ERBB4: variants seen among roughly 807,000 people sequenced by gnomAD.
The protein encoded by ERBB4 is receptor tyrosine-protein kinase erbB-4.
In ERBB4, 42 loss-of-function variants were observed where a neutral mutation model predicts 158.0. That is an observed-to-expected ratio of 0.27 (90% CI 0.21 to 0.34). The LOEUF is 0.34. Ranked by LOEUF, ERBB4 falls within the 10% of genes least tolerant of loss-of-function variation. ERBB4 has a pLI of 1.00. For synonymous variants in ERBB4, 583 were observed against 558.7 expected (o/e 1.04, Z -0.61); for missense variants, 1,333 against 1,624.1 (o/e 0.82, Z 3.08).
chr2:212,244,130 A>G (rs552022493), intron 1 of ERBB4, among the ~76,000 whole-genome samples: 1 of 152,274 alleles, frequency 6.6e-6, no homozygotes, highest in Admixed American at 6.5e-5. Flanking sequence ...AGAAAGAGAG[A>G]CTGGTATAAT....
chr2:211,889,646 T>A (rs2078910779), intron 3 of ERBB4, among the ~76,000 whole-genome samples: 1 of 145,626 alleles, frequency 6.9e-6, no homozygotes, highest in African/African-American at 2.6e-5. Context: ...GCAAAGAAGT[T>A]GAAAACTTTG....
rs187272355 is a variant in ERBB4 at position 212,199,075 on chromosome 2, A to G, written c.83-74172T>C. ...TAATTTGTTTTTGGGGAATCACCAT[A>G]CTGTTTTCCACAGTGGTTGTGTCAT... On this transcript the variant is annotated intron_variant, in intron 1 of 27. Coordinates refer to ENST00000342788, the MANE Select transcript of ERBB4 (RefSeq NM_005235.3). 2.9e-3 allele frequency among the ~76,000 whole-genome samples: 443 copies of G among 152,246 alleles called. 3 individuals are homozygous for G. The highest frequency in any genetic ancestry group is 9.3e-3 in the African/African-American group (387 of 41,546).
chr2:212,514,932 A>T (rs371449609), intron 1 of ERBB4, among the ~76,000 whole-genome samples: 2 of 152,210 alleles, frequency 1.3e-5, no homozygotes, highest in South Asian at 4.1e-4. Flanking sequence ...ACATTTCATT[A>T]ATTTTGAAAG....
intron 20 of ERBB4, among the ~76,000 whole-genome samples, chr2:211,518,686 G>A (rs1451030349): frequency 6.6e-6 from 1 of 151,922 alleles, no homozygotes; most frequent in African/African-American, 2.4e-5. Context: ...TATGTAAAGG[G>A]TTTTGTTTAG....
At chr2:212,359,778 A>G (rs2089612751) in intron 1 of ERBB4, among the ~76,000 whole-genome samples, 1 of 151,864 alleles carries the variant, frequency 6.6e-6, no homozygotes, top group South Asian at 2.1e-4. Context: ...GTAAGAAAAC[A>G]AATGCTAAAC....
At chr2:211,699,313 T>C (rs190285079) in intron 12 of ERBB4, among the ~76,000 whole-genome samples, 1 of 134,762 alleles carries the variant, frequency 7.4e-6, no homozygotes, top group Admixed American at 7.7e-5. Context: ...GTGCGTATGC[T>C]CATGTACATC....
rs376971305 is a variant in ERBB4 at position 211,561,927 on chromosome 2, A to T, written c.2463T>A (p.Leu821=). Residue 821 remains leucine, a synonymous_variant, in exon 20 of 28, where the codon CTT becomes CTA. Transcript: ENST00000342788. ...CCTTAGCTATCTGGACACACCAGTT[A>T]AGCAGCAGTTGTGATCCAATGTTAT... ...HKDNIGSQLL[L]NWCVQIAKGM... is the part of the protein sequence containing the mutation. 26 of 1,613,996 alleles carry T rather than the reference A, an allele frequency of 1.6e-5. No individual in the cohort carries two copies. In the African/African-American group the frequency reaches 3.3e-4, roughly 21 times the overall value.
At chr2:211,832,618 A>G (rs899581124) in intron 3 of ERBB4, among the ~76,000 whole-genome samples, 2 of 150,628 alleles carry the variant, frequency 1.3e-5, no homozygotes, top group Non-Finnish European at 3.0e-5. Flanking sequence ...GTATATATAT[A>G]TACATATATA....
At chr2:212,383,570 T>C (rs762895211) in intron 1 of ERBB4, among the ~76,000 whole-genome samples, 11 of 151,614 alleles carry the variant, frequency 7.3e-5, no homozygotes, top group Non-Finnish European at 1.6e-4. Flanking sequence ...AACTTTAACA[T>C]GCAATGTTTA....
chr2:211,516,162 C>A (rs894679674), intron 20 of ERBB4, among the ~76,000 whole-genome samples: 4 of 150,986 alleles, frequency 2.6e-5, no homozygotes. Context: ...GTGATCCGCC[C>A]GCCTCGGCCT....
At chr2:212,088,196 G>T (rs2078671969) in intron 2 of ERBB4, among the ~76,000 whole-genome samples, 1 of 152,034 alleles carries the variant, frequency 6.6e-6, no homozygotes, top group Admixed American at 6.6e-5. Flanking sequence ...AGGGCAAATC[G>T]AGCAGTAACA....
chr2:212,497,326 A>G (rs1690639401), intron 1 of ERBB4, among the ~76,000 whole-genome samples: 1 of 152,170 alleles, frequency 6.6e-6, no homozygotes, highest in Non-Finnish European at 1.5e-5. Flanking sequence ...GTTGGAGTCC[A>G]GTAGTGTGAT....
chr2:211,587,255 C>T (rs747479861), intron 19 of ERBB4, among the ~76,000 whole-genome samples: 1 of 151,780 alleles, frequency 6.6e-6, no homozygotes, highest in Non-Finnish European at 1.5e-5. Flanking sequence ...ACTTGGGAGG[C>T]TGAGGCAAAG....
chr2:211,963,216 G>T (rs1329938458), intron 2 of ERBB4, among the ~76,000 whole-genome samples: 1 of 151,982 alleles, frequency 6.6e-6, no homozygotes, highest in South Asian at 2.1e-4. Flanking sequence ...GGGGTGGAGG[G>T]TGATACTGGC....
intron 1 of ERBB4, among the ~76,000 whole-genome samples, chr2:212,294,859 G>A (rs1574620946): frequency 6.6e-6 from 1 of 152,074 alleles, no homozygotes; most frequent in African/African-American, 2.4e-5. Flanking sequence ...ATGACTGTAG[G>A]GGGTTTGATA....
chr2:212,524,686 T>A (rs1403250190), intron 1 of ERBB4, among the ~76,000 whole-genome samples: 1 of 104,964 alleles, frequency 9.5e-6, no homozygotes, highest in African/African-American at 4.1e-5. Flanking sequence ...GTTTAAGTCA[T>A]TTTTTTTAAC....
chr2:212,073,501 A>G (rs76077803), intron 2 of ERBB4, among the ~76,000 whole-genome samples: 17,838 of 151,966 alleles, frequency 0.12, 1,350 homozygotes, highest in African/African-American at 0.2. Context: ...ACAATATATA[A>G]AACAAAAGCA....
chr2:212,003,034 A>G (rs1007439686), intron 2 of ERBB4, among the ~76,000 whole-genome samples: 1 of 149,776 alleles, frequency 6.7e-6, no homozygotes, highest in African/African-American at 2.5e-5. Context: ...AGCTTGAGCA[A>G]CAGAGCGAAA....
intron 2 of ERBB4, among the ~76,000 whole-genome samples, chr2:211,994,742 AAAG>A (rs1234418915): frequency 6.6e-6 from 1 of 152,208 alleles, no homozygotes; most frequent in African/African-American, 2.4e-5. Context: ...AGCACAGTCC[AAAG>A]AAGGAGCCGT....
Sources: gnomAD v4.1 joint callset for allele counts (sites outside exome capture counted in the v4.1 genomes callset) on GRCh38, gnomAD v4.1.1 for gene constraint, MANE v1.5 for transcripts, NCBI Gene and HGNC (gene_info 2026-07-23, HGNC 2026-07-21) for gene names.